The following GNAI2 variants were observed in gnomAD, a reference collection of about 807,000 sequenced individuals.
GNAI2 encodes guanine nucleotide-binding protein G(i) subunit alpha-2.
A neutral mutation model predicts 36.8 loss-of-function variants in GNAI2; 4 were observed. That is an observed-to-expected ratio of 0.11 (90% confidence interval 0.05 to 0.25). GNAI2 has a LOEUF of 0.25. Among genes scored for constraint, GNAI2 ranks in the 10% least tolerant of loss-of-function variants. The pLI is 1.00. For missense variants in GNAI2, 230 were observed against 481.3 expected (o/e 0.48, Z 4.89); for synonymous variants, 194 against 194.1 (o/e 1.00, Z 0.01).
intron 1 of GNAI2, chr3:50,251,592 TG>T (rs1575451087): frequency 8.1e-7 from 1 of 1,235,126 alleles, no homozygotes. Flanking sequence ...TCCAGAAAGC[TG>T]AAGTGTGACG....
intron 1 of GNAI2, among the ~76,000 whole-genome samples, chr3:50,237,571 C>A (rs926448222): frequency 6.6e-6 from 1 of 151,732 alleles, no homozygotes; most frequent in Non-Finnish European, 1.5e-5. Flanking sequence ...CTTGTTGGAT[C>A]TTGGGACCCT....
rs1559776776 is a variant in GNAI2, at chr3:50,256,189, C to G, written c.465-3C>G. ...CACTGACCCTCCCACCCCCCATCCC[C>G]AGCTACCTGAACGACCTGGAGCGTA... is the stretch of plus-strand genomic sequence containing the variant. On this transcript the variant is annotated splice_region_variant and splice_polypyrimidine_tract_variant and intron_variant, in intron 4 of 8. Coordinates refer to ENST00000313601, the MANE Select transcript of GNAI2 (RefSeq NM_002070.4). The G allele has an allele frequency of 6.4e-7, 1 of 1,573,472 alleles. No homozygotes were observed.
In GNAI2 at chr3:50,257,496, C is replaced by A. The variant is rs376295173; in HGVS notation, c.878-4C>A. The A allele has an allele frequency of 1.9e-6, 3 of 1,550,416 alleles. No homozygotes were observed. The African/African-American group carries it at 4.1e-5, about 21-fold the overall frequency. ...AGCACAAGTCTTCATTTTCTCTCCC[C>A]CAGGGGCCAACAAATATGATGAGGC... On this transcript the variant is annotated splice_region_variant and splice_polypyrimidine_tract_variant and intron_variant, in intron 7 of 8. Transcript: ENST00000313601.
Position 50,255,050 on chromosome 3 carries a change from A to G in GNAI2, c.465-1142A>G, listed in dbSNP as rs142078566. On this transcript the variant is annotated intron_variant, in intron 4 of 8. Coordinates refer to ENST00000313601, the MANE Select transcript of GNAI2 (RefSeq NM_002070.4). The surrounding 1 kb of genome is among the most constrained non-coding windows in gnomAD (Gnocchi z 4.0). Reference sequence around the variant, plus strand: ...CTGGCAGTAGGGGGCGGGGCATGGTATGCGGGTCACAGCACATGCGTCATC... The same window carrying G: ...CTGGCAGTAGGGGGCGGGGCATGGTGTGCGGGTCACAGCACATGCGTCATC... 3.5e-4 allele frequency among the ~76,000 whole-genome samples: 54 copies of G among 152,280 alleles called. No individual in the cohort carries two copies. Among genetic ancestry groups the G allele is most frequent in the Non-Finnish European group, 6.8e-4 (46 of 68,008 alleles).
At chr3:50,254,459 G>T (rs904569450) in intron 4 of GNAI2, among the ~76,000 whole-genome samples, 1 of 152,140 alleles carries the variant, frequency 6.6e-6, no homozygotes, top group Non-Finnish European at 1.5e-5. Context: ...GGAGGGTCTT[G>T]CCTGGCTGTG....
At chr3:50,251,458 C>A in intron 1 of GNAI2, 1 of 1,051,214 alleles carries the variant, frequency 9.5e-7, no homozygotes, top group Non-Finnish European at 1.2e-6. Context: ...CGCAGGTCTC[C>A]CAGATTCATG....
chr3:50,236,409 A>T lies in GNAI2; in HGVS notation c.74A>T (p.Glu25Val), dbSNP rs1700169960. ...AAGATGATCGACAAGAACCTGCGGG[A>T]GGACGGAGAGAAGGCGGCGCGGGAG... Reference protein sequence around the residue: ...RSKMIDKNLREDGEKAAREVK... With the variant: ...RSKMIDKNLRVDGEKAAREVK... The change falls in exon 1 of 9, where the codon GAG (glutamate) becomes GTG (valine). Residue 25 changes from glutamate to valine, a missense_variant. Physicochemically the swap from Glu to Val is moderately radical, Grantham distance 121. Transcript: ENST00000313601. This position sits in a 1 kb window ranked among gnomAD's most constrained non-coding sequence, Gnocchi z 4.0. 6.3e-7 allele frequency: 1 copy of T among 1,578,054 alleles called. No individual in the cohort carries two copies. Among genetic ancestry groups the T allele is most frequent in the Admixed American group, 1.8e-5 (1 of 54,194 alleles).
chr3:50,253,311 A>C lies in GNAI2; in HGVS notation c.464+127A>C. 28 of 525,996 alleles carry C rather than the reference A, an allele frequency of 5.3e-5. No homozygotes were observed. The highest frequency in any genetic ancestry group is 1.6e-4 in the East Asian group (4 of 24,958). The allele number at this position is 525,996 out of a possible 1,614,324, so 32.6% of individuals were successfully genotyped here. A position where few individuals can be genotyped will look rare whatever the true frequency, so the allele number is the denominator to read the frequency against. ...TTGCTTATGAAACCGATGACTGTTA[A>C]CCAAGGCCTTCCTGTTTTTTGGTTT... On this transcript the variant is annotated intron_variant, in intron 4 of 8. Transcript: ENST00000313601. This position sits in a 1 kb window ranked among gnomAD's most constrained non-coding sequence, Gnocchi z 4.2.
chr3:50,246,770 G>A, intron 1 of GNAI2: 1 of 548,088 alleles, frequency 1.8e-6, no homozygotes, highest in South Asian at 2.7e-5. Context: ...CTTTCTGGGT[G>A]TGTGCAGCCA....
rs1324517191 is a variant in GNAI2 at position 50,241,823 on chromosome 3, C to A, written c.118+5370C>A. The stretch of plus-strand genomic sequence containing the variant: ...GGTCCGGGACCCCTTTGGCCCTGGG[C>A]AGCTTGTCAGCGGTTGGCCCTGGGT... On this transcript the variant is annotated intron_variant, in intron 1 of 8. Transcript: ENST00000313601. The surrounding 1 kb of genome is among the most constrained non-coding windows in gnomAD (Gnocchi z 5.0). Among the ~76,000 whole-genome samples the A allele has an allele frequency of 6.6e-6, 1 of 152,156 alleles. No homozygotes were observed. Among genetic ancestry groups the A allele is most frequent in the African/African-American group, 2.4e-5 (1 of 41,426 alleles).
rs926013776 is a variant in GNAI2, at chr3:50,255,069, C to T, written c.465-1123C>T. 6.6e-6 allele frequency among the ~76,000 whole-genome samples: 1 copy of T among 152,310 alleles called. No individual in the cohort carries two copies. The highest frequency in any genetic ancestry group is 2.1e-4 in the South Asian group (1 of 4,828). On this transcript the variant is annotated intron_variant, in intron 4 of 8. Coordinates refer to ENST00000313601, the MANE Select transcript of GNAI2 (RefSeq NM_002070.4). The surrounding 1 kb of genome is among the most constrained non-coding windows in gnomAD (Gnocchi z 4.0). ...CATGGTATGCGGGTCACAGCACATG[C>T]GTCATCCTTCCCCATGGCCCTTCCT...
intron 1 of GNAI2, among the ~76,000 whole-genome samples, chr3:50,243,038 G>A (rs1553701306): frequency 6.6e-6 from 1 of 152,236 alleles, no homozygotes; most frequent in East Asian, 1.9e-4. Flanking sequence ...CCCAAAAGAG[G>A]AAGAGGCCAG....
chr3:50,249,572 G>C (rs1338342764), intron 1 of GNAI2, among the ~76,000 whole-genome samples: 1 of 152,170 alleles, frequency 6.6e-6, no homozygotes, highest in East Asian at 1.9e-4. Context: ...AAGCAATAGA[G>C]GGGATTGCTG....
intron 1 of GNAI2, among the ~76,000 whole-genome samples, chr3:50,245,845 T>G (rs1308724233): frequency 1.3e-5 from 2 of 152,372 alleles, no homozygotes; most frequent in African/African-American, 2.4e-5. Context: ...GATCTCTGAC[T>G]TGGCAGTAGG....
At position 50,245,217 on chromosome 3, in the gene GNAI2, C is replaced by T. The variant is rs587679362; in HGVS notation, c.119-6883C>T. 1.4e-4 allele frequency among the ~76,000 whole-genome samples: 21 copies of T among 152,274 alleles called. No individual in the cohort carries two copies. The South Asian group carries it at 2.9e-3, about 21-fold the overall frequency. On this transcript the variant is annotated intron_variant, in intron 1 of 8. Transcript: ENST00000313601. ...TTCTCCATGTTGGTCAGGCTGGTCT[C>T]GAACTCCTGACCTCAGGTGATCCGC... is the stretch of plus-strand genomic sequence containing the variant.
At chr3:50,240,450 G>T (rs1286167925) in intron 1 of GNAI2, among the ~76,000 whole-genome samples, 1 of 152,202 alleles carries the variant, frequency 6.6e-6, no homozygotes, top group Non-Finnish European at 1.5e-5. Flanking sequence ...AGCCCATGGG[G>T]TCATCCAGAC....
chr3:50,257,467 A>T (rs782647798), intron 7 of GNAI2, 33 bp from the exon 8 acceptor site: 28 of 1,470,652 alleles, frequency 1.9e-5, no homozygotes, highest in Non-Finnish European at 2.5e-5. Context: ...CCTGCCACAC[A>T]TGCAGCACAA....
Position 50,238,924 on chromosome 3 carries a change from C to A in GNAI2, c.118+2471C>A, listed in dbSNP as rs1553700696. ...CCACGCCTGCTGCCCCGCCCGCACACCGCCTCCCTCCCATCTTGGGTAGCC... is the reference window on the plus strand; with the variant it reads ...CCACGCCTGCTGCCCCGCCCGCACAACGCCTCCCTCCCATCTTGGGTAGCC... On this transcript the variant is annotated intron_variant, in intron 1 of 8. Transcript: ENST00000313601. The surrounding 1 kb of genome is among the most constrained non-coding windows in gnomAD (Gnocchi z 5.0). Among the ~76,000 whole-genome samples, 1 of 152,230 alleles carries A rather than the reference C, an allele frequency of 6.6e-6. No individual in the cohort carries two copies. Among genetic ancestry groups the A allele is most frequent in the Non-Finnish European group, 1.5e-5 (1 of 68,036 alleles).
At chr3:50,247,963 G>A (rs1434918513) in intron 1 of GNAI2, among the ~76,000 whole-genome samples, 3 of 152,348 alleles carry the variant, frequency 2.0e-5, no homozygotes, top group South Asian at 2.1e-4. Flanking sequence ...GGCTGGACGC[G>A]GTGGCTCACG....
Sources: gnomAD v4.1 joint callset for allele counts (sites outside exome capture counted in the v4.1 genomes callset) on GRCh38, gnomAD v4.1.1 for gene constraint, Gnocchi (gnomAD v3.1) non-coding constraint, MANE v1.5 for transcripts, NCBI Gene and HGNC (gene_info 2026-07-23, HGNC 2026-07-21) for gene names.